MPZL1: variants seen among roughly 807,000 people sequenced by gnomAD.
MPZL1 encodes the protein myelin protein zero-like protein 1.
In MPZL1, 16 loss-of-function variants were observed where a neutral mutation model predicts 29.3. That is an observed-to-expected ratio of 0.55 (90% CI 0.37 to 0.83). MPZL1 has a LOEUF of 0.83. Ranked by LOEUF, MPZL1 falls within the 40% of genes least tolerant of loss-of-function variation. The pLI is 0.00. For synonymous variants in MPZL1, 143 were observed against 132.0 expected, an observed-to-expected ratio of 1.08 and a Z score of -0.57; for missense variants, 279 against 332.9, an observed-to-expected ratio of 0.84 and a Z score of 1.26.
At chr1:167,770,503 G>C (rs144592892) in intron 2 of MPZL1, among the ~76,000 whole-genome samples, 32 of 152,356 alleles carry the variant, frequency 2.1e-4, no homozygotes, top group African/African-American at 7.0e-4. Context: ...TTCAAAAGCC[G>C]GCAAGAGTAT....
intron 1 of MPZL1, among the ~76,000 whole-genome samples, chr1:167,739,274 C>CATATATATATATATATAT (rs201991698): frequency 9.6e-5 from 8 of 83,280 alleles, no homozygotes; most frequent in East Asian, 2.9e-4. Flanking sequence ...TACATATATA[C>CATATATATATATATATAT]ATATATACAT....
At chr1:167,742,325 CTT>C (rs1448428551) in intron 1 of MPZL1, among the ~76,000 whole-genome samples, 1 of 151,954 alleles carries the variant, frequency 6.6e-6, no homozygotes, top group Non-Finnish European at 1.5e-5. Flanking sequence ...TCAAATTGTT[CTT>C]GTTTTCCATA....
chr1:167,763,388 T>C (rs1265768720), intron 1 of MPZL1, among the ~76,000 whole-genome samples: 1 of 151,070 alleles, frequency 6.6e-6, no homozygotes, highest in Non-Finnish European at 1.5e-5. Flanking sequence ...TCGTGGTGGG[T>C]GTCTGTAATC....
chr1:167,755,715 C>A (rs1222940283), intron 1 of MPZL1, among the ~76,000 whole-genome samples: 5 of 152,168 alleles, frequency 3.3e-5, no homozygotes, highest in Non-Finnish European at 5.9e-5. Flanking sequence ...TTAATGGAAG[C>A]CCTGCGCTGT....
chr1:167,751,384 T>C (rs145475888), intron 1 of MPZL1, among the ~76,000 whole-genome samples: 37 of 152,230 alleles, frequency 2.4e-4, no homozygotes, highest in African/African-American at 8.7e-4. Context: ...AAATTAAATG[T>C]ATGCGCCGGG....
intron 5 of MPZL1, among the ~76,000 whole-genome samples, chr1:167,780,311 T>C (rs1369693143): frequency 1.3e-5 from 2 of 152,086 alleles, no homozygotes; most frequent in Non-Finnish European, 2.9e-5. Flanking sequence ...GATGGACAAA[T>C]TGGATAGAAA....
intron 1 of MPZL1, among the ~76,000 whole-genome samples, chr1:167,745,224 C>G (rs1432580365): frequency 6.6e-6 from 1 of 152,006 alleles, no homozygotes; most frequent in African/African-American, 2.4e-5. Context: ...ATTAGCTTGC[C>G]CTGAGGAAAG....
intron 1 of MPZL1, among the ~76,000 whole-genome samples, chr1:167,722,928 A>G (rs1660068419): frequency 6.6e-6 from 1 of 152,230 alleles, no homozygotes; most frequent in Non-Finnish European, 1.5e-5. Context: ...AGACGTAGCC[A>G]CCATAATTTG....
chr1:167,765,878 A>G, intron 2 of MPZL1, 129 bp downstream of exon 2: 1 of 822,512 alleles, frequency 1.2e-6, no homozygotes, highest in Non-Finnish European at 1.8e-6. Context: ...ATAGACTTCA[A>G]GGCCCTTCTT....
chr1:167,740,293 T>C (rs1660489808), intron 1 of MPZL1, among the ~76,000 whole-genome samples: 1 of 152,198 alleles, frequency 6.6e-6, no homozygotes, highest in Admixed American at 6.5e-5. Context: ...TGGACTATAC[T>C]CCTTTCTTTG....
At chr1:167,787,711 CTT>C (rs1181975217) in intron 5 of MPZL1, 107 bp from the exon 6 acceptor site, 1 of 743,492 alleles carries the variant, frequency 1.3e-6, no homozygotes, top group African/African-American at 1.8e-5. Flanking sequence ...AGAGGGAAGT[CTT>C]TGCTTTGGAA....
At chr1:167,723,367 TA>T (rs1277281122) in intron 1 of MPZL1, among the ~76,000 whole-genome samples, 1 of 152,256 alleles carries the variant, frequency 6.6e-6, no homozygotes, top group Non-Finnish European at 1.5e-5. Flanking sequence ...CTGTTCCACT[TA>T]AACAGTGATT....
intron 1 of MPZL1, among the ~76,000 whole-genome samples, chr1:167,757,987 T>C (rs998455205): frequency 2.6e-5 from 4 of 151,874 alleles, no homozygotes; most frequent in African/African-American, 9.7e-5. Flanking sequence ...CTGTCTCTAC[T>C]TAAAAAAAAT....
intron 1 of MPZL1, among the ~76,000 whole-genome samples, chr1:167,727,736 T>C (rs1660176527): frequency 6.6e-6 from 1 of 152,192 alleles, no homozygotes. Context: ...GAATTTTTGC[T>C]GCCGTAAGAA....
At chr1:167,782,193 T>C (rs1661510507) in intron 5 of MPZL1, among the ~76,000 whole-genome samples, 1 of 152,214 alleles carries the variant, frequency 6.6e-6, no homozygotes. Context: ...TACAGGTTTA[T>C]TTTCTAGAAA....
rs949636767 is a variant in MPZL1 at position 167,788,770 on chromosome 1, C to A, written c.*849C>A. ...TCTGCTTGAAATAACAGTCACCATA[C>A]AGCTAAAGGAGAGGAGTTTCTTTCC... On this transcript the variant is annotated 3_prime_UTR_variant, in exon 6 of 6. Coordinates refer to ENST00000359523, the MANE Select transcript of MPZL1 (RefSeq NM_003953.6). The A allele has an allele frequency of 1.3e-5, 2 of 152,056 alleles. No individual in the cohort carries two copies. The highest frequency in any genetic ancestry group is 4.8e-5 in the African/African-American group (2 of 41,398). 9.4% of individuals were successfully genotyped at this position (152,056 alleles called of 1,614,324 possible). A position where few individuals can be genotyped will look rare whatever the true frequency, so the allele number is the denominator to read the frequency against.
chr1:167,723,510 G>C (rs1302366311), intron 1 of MPZL1, among the ~76,000 whole-genome samples: 1 of 152,208 alleles, frequency 6.6e-6, no homozygotes, highest in Non-Finnish European at 1.5e-5. Context: ...TGTGTTTGTT[G>C]GTGGTGGTAT....
chr1:167,771,179 G>C (rs577461295), intron 2 of MPZL1, among the ~76,000 whole-genome samples: 26 of 152,128 alleles, frequency 1.7e-4, no homozygotes, highest in African/African-American at 6.3e-4. Flanking sequence ...CTTGAGATTA[G>C]GGAGTGGTGA....
intron 2 of MPZL1, among the ~76,000 whole-genome samples, chr1:167,769,444 T>C (rs1661193069): frequency 6.6e-6 from 1 of 152,208 alleles, no homozygotes; most frequent in African/African-American, 2.4e-5. Flanking sequence ...TCGGCTGTGA[T>C]GCAACGCCTC....
Sources: gnomAD v4.1 joint callset for allele counts (sites outside exome capture counted in the v4.1 genomes callset) on GRCh38, gnomAD v4.1.1 for gene constraint, MANE v1.5 for transcripts, NCBI Gene and HGNC (gene_info 2026-07-23, HGNC 2026-07-21) for gene names.